The following MALRD1 variants were observed in gnomAD, a reference collection of about 807,000 sequenced individuals.
The protein encoded by MALRD1 is MAM and LDL-receptor class A domain-containing protein 1.
Under a neutral mutation model 242.1 loss-of-function variants are expected in MALRD1, and 247 were observed. The ratio of observed to expected loss-of-function variants is 1.02; its 90% CI spans 0.92 to 1.13. The LOEUF (loss-of-function observed/expected upper bound fraction) is 1.13, where lower values mean the gene tolerates loss of function less well. Ranked by LOEUF, MALRD1 falls within the 50% of genes most tolerant of loss-of-function variation. MALRD1 has a pLI of 0.00. For missense variants in MALRD1, 2,989 were observed against 2,533.1 expected (o/e 1.18, Z -3.86); for synonymous variants, 995 against 866.6 (o/e 1.15, Z -2.60).
chr10:19,480,934 G>T (rs1383487124), intron 29 of MALRD1, among the ~76,000 whole-genome samples: 1 of 151,810 alleles, frequency 6.6e-6, no homozygotes. Context: ...ATTATATGAA[G>T]AATTCATTTT....
intron 21 of MALRD1, among the ~76,000 whole-genome samples, chr10:19,306,611 A>G (rs567120941): frequency 4.5e-4 from 68 of 150,338 alleles, no homozygotes; most frequent in Admixed American, 7.4e-4. Flanking sequence ...TTGTGTATAT[A>G]TATATGTACT....
chr10:19,081,471 G>A (rs937110437), intron 2 of MALRD1, among the ~76,000 whole-genome samples: 8 of 152,050 alleles, frequency 5.3e-5, no homozygotes, highest in Middle Eastern at 3.4e-3. Flanking sequence ...GCAGGGACAC[G>A]GATAAAGCTG....
chr10:19,171,863 C>T (rs1047226004), intron 13 of MALRD1, among the ~76,000 whole-genome samples: 6 of 137,446 alleles, frequency 4.4e-5, no homozygotes, highest in African/African-American at 1.1e-4. Context: ...CATATATATA[C>T]ATATATACAC....
At chr10:19,237,706 A>AAT (rs1415180588) in intron 18 of MALRD1, among the ~76,000 whole-genome samples, 2 of 114,090 alleles carry the variant, frequency 1.8e-5, no homozygotes, top group African/African-American at 6.9e-5. Flanking sequence ...ACATAATTAT[A>AAT]TATATATTTA....
intron 36 of MALRD1, among the ~76,000 whole-genome samples, chr10:19,625,782 G>A (rs1589325233): frequency 6.6e-6 from 1 of 152,164 alleles, no homozygotes. Flanking sequence ...ATCTAAGTGG[G>A]AGCCACTAGT....
chr10:19,375,046 C>T (rs1178630546), intron 26 of MALRD1, among the ~76,000 whole-genome samples: 21 of 152,150 alleles, frequency 1.4e-4, no homozygotes, highest in Non-Finnish European at 2.8e-4. Context: ...TGGCCCTGCA[C>T]TTTTTCTAGA....
At chr10:19,581,871 T>C (rs537014004) in intron 33 of MALRD1, among the ~76,000 whole-genome samples, 1 of 152,092 alleles carries the variant, frequency 6.6e-6, no homozygotes, top group African/African-American at 2.4e-5. Context: ...CCACATCCTC[T>C]CCAGCACCTG....
chr10:19,358,902 A>G (rs1485465682), intron 26 of MALRD1, among the ~76,000 whole-genome samples: 1 of 152,076 alleles, frequency 6.6e-6, no homozygotes. Flanking sequence ...CTTTGCCTTC[A>G]CTTTCTCTTC....
chr10:19,526,365 A>ATACATATATATATATATAT (rs10695324), intron 31 of MALRD1, among the ~76,000 whole-genome samples: 8 of 149,020 alleles, frequency 5.4e-5, no homozygotes, highest in African/African-American at 2.0e-4. Context: ...CCAAAAAAAA[A>ATACATATATATATATATAT]ATACATATAT....
chr10:19,120,803 G>A (rs1294624803), intron 5 of MALRD1, among the ~76,000 whole-genome samples: 1 of 152,160 alleles, frequency 6.6e-6, no homozygotes, highest in African/African-American at 2.4e-5. Context: ...GGAGTGCAGT[G>A]GCACGATCTC....
At chr10:19,618,307 C>G (rs1839259320) in intron 36 of MALRD1, among the ~76,000 whole-genome samples, 1 of 152,030 alleles carries the variant, frequency 6.6e-6, no homozygotes, top group African/African-American at 2.4e-5. Flanking sequence ...TATGGAGGTG[C>G]CTTTATGACA....
At chr10:19,291,610 A>G (rs952178608) in intron 21 of MALRD1, 3 of 152,118 alleles carry the variant, frequency 2.0e-5, no homozygotes, top group African/African-American at 7.2e-5. Flanking sequence ...AGATGCTTCT[A>G]GAATCTCACT....
intron 5 of MALRD1, among the ~76,000 whole-genome samples, chr10:19,114,824 CAGGATTGATTG>C (rs1329755883): frequency 6.6e-6 from 1 of 152,056 alleles, no homozygotes; most frequent in Non-Finnish European, 1.5e-5. Context: ...AAAATGTCAG[CAGGATTGATTG>C]AGTTTTGTGT....
At chr10:19,354,953 G>T (rs1170060376) in intron 26 of MALRD1, among the ~76,000 whole-genome samples, 1 of 152,152 alleles carries the variant, frequency 6.6e-6, no homozygotes, top group Non-Finnish European at 1.5e-5. Context: ...TTATGAGGTT[G>T]TAGTGAAAAA....
At chr10:19,704,818 G>T (rs1833788835) in intron 38 of MALRD1, among the ~76,000 whole-genome samples, 1 of 152,148 alleles carries the variant, frequency 6.6e-6, no homozygotes, top group South Asian at 2.1e-4. Flanking sequence ...AGGAAAGAAT[G>T]ATCAAGAGAA....
chr10:19,630,168 G>A (rs1163108379), intron 36 of MALRD1, among the ~76,000 whole-genome samples: 1 of 152,042 alleles, frequency 6.6e-6, no homozygotes, highest in East Asian at 1.9e-4. Flanking sequence ...TGTCCATCAG[G>A]GAAAAGAAGG....
At chr10:19,053,838 T>G (rs951055809) in intron 1 of MALRD1, among the ~76,000 whole-genome samples, 1 of 152,156 alleles carries the variant, frequency 6.6e-6, no homozygotes, top group South Asian at 2.1e-4. Flanking sequence ...AAATAAGTTC[T>G]TATTTTACAT....
At position 19,504,309 on chromosome 10, in the gene MALRD1, T is replaced by A. The variant is rs149735692; in HGVS notation, c.5320+5663T>A. Among the ~76,000 whole-genome samples, 119 of 152,290 alleles carry A rather than the reference T, an allele frequency of 7.8e-4. 1 individual carries two copies. In the East Asian group the frequency reaches 0.012, roughly 15 times the overall value. ...GCCCTTTTCCAGGACATCACTGTAG[T>A]GTGTTCTTTCCTTATAAACAGCTCT... On this transcript the variant is annotated intron_variant, in intron 31 of 39. Transcript: ENST00000454679.
chr10:19,730,576 T>C (rs1269096988), intron 38 of MALRD1, 130 bp from the exon 39 acceptor site: 2 of 935,598 alleles, frequency 2.1e-6, no homozygotes, highest in African/African-American at 3.3e-5. Context: ...CTTATGGTAA[T>C]ACATTCATGA....
Sources: gnomAD v4.1 joint callset for allele counts (sites outside exome capture counted in the v4.1 genomes callset) on GRCh38, gnomAD v4.1.1 for gene constraint, MANE v1.5 for transcripts, NCBI Gene and HGNC (gene_info 2026-07-23, HGNC 2026-07-21) for gene names.